Variants in STX8 observed in about 807,000 individuals in gnomAD.
STX8 encodes the protein syntaxin 8.
In STX8, 23 loss-of-function variants were observed where a neutral mutation model predicts 37.5. The observed-to-expected ratio is 0.61, with a 90% CI of 0.44 to 0.87. The LOEUF (loss-of-function observed/expected upper bound fraction) is 0.87. STX8 is among the 40% of genes least tolerant of loss of function. STX8 has a pLI of 0.00. For synonymous variants in STX8, 115 were observed against 99.1 expected (o/e 1.16, Z -0.95); for missense variants, 313 against 284.7 (o/e 1.10, Z -0.71).
chr17:9,355,978 G>A (rs1349803664), intron 7 of STX8, among the ~76,000 whole-genome samples: 1 of 152,160 alleles, frequency 6.6e-6, no homozygotes, highest in East Asian at 1.9e-4. Flanking sequence ...AAACTGCCAG[G>A]AGTGACCACT....
At chr17:9,433,622 T>G (rs1320743336) in intron 6 of STX8, among the ~76,000 whole-genome samples, 1 of 150,592 alleles carries the variant, frequency 6.6e-6, no homozygotes, top group African/African-American at 2.4e-5. Context: ...TTTTTGTATG[T>G]GGGGGAAAAA....
At chr17:9,363,729 C>T (rs1463076364) in intron 7 of STX8, among the ~76,000 whole-genome samples, 1 of 152,162 alleles carries the variant, frequency 6.6e-6, no homozygotes, top group Non-Finnish European at 1.5e-5. Flanking sequence ...TCTTTCCAAA[C>T]CACACCAAGC....
Position 9,483,741 on chromosome 17 carries a change from T to G in STX8, c.541+8088A>C, listed in dbSNP as rs773596157. On this transcript the variant is annotated intron_variant, in intron 6 of 7. Coordinates refer to ENST00000306357, the MANE Select transcript of STX8 (RefSeq NM_004853.3). Reference sequence around the variant, plus strand: ...ACGCTGGTCTCCTCAATTCCAGGACTGACTCTACGAATACAATTGGTTTTC... The same window carrying G: ...ACGCTGGTCTCCTCAATTCCAGGACGGACTCTACGAATACAATTGGTTTTC... 2.0e-4 allele frequency among the ~76,000 whole-genome samples: 31 copies of G among 152,136 alleles called. 1 individual carries two copies. Among genetic ancestry groups the G allele is most frequent in the Non-Finnish European group, 4.4e-5 (3 of 68,032 alleles).
chr17:9,291,332 G>C (rs893797371), intron 7 of STX8, among the ~76,000 whole-genome samples: 8 of 151,402 alleles, frequency 5.3e-5, no homozygotes, highest in African/African-American at 1.9e-4. Flanking sequence ...TGTAGTCCCA[G>C]CTACTCAGGA....
At chr17:9,468,584 G>A (rs1905714450) in intron 6 of STX8, among the ~76,000 whole-genome samples, 2 of 152,110 alleles carry the variant, frequency 1.3e-5, no homozygotes, top group Non-Finnish European at 2.9e-5. Context: ...AATATCCCAC[G>A]TGTGGCAGGC....
rs147658696 is a variant in STX8, at chr17:9,295,403, T to C, written c.644-44758A>G. Among the ~76,000 whole-genome samples, 259 of 152,320 alleles carry C rather than the reference T, an allele frequency of 1.7e-3. 1 individual carries two copies. Among genetic ancestry groups the C allele is most frequent in the African/African-American group, 5.9e-3 (247 of 41,560 alleles). On this transcript the variant is annotated intron_variant, in intron 7 of 7. Coordinates refer to ENST00000306357, the MANE Select transcript of STX8 (RefSeq NM_004853.3). ...GCATGTAGCAGACATTCAATAATTG[T>C]TTATAGACAAATTAAAGAAATGAAC...
In STX8 at chr17:9,297,008, C is replaced by A. The variant is rs149273927; in HGVS notation, c.644-46363G>T. On this transcript the variant is annotated intron_variant, in intron 7 of 7. Transcript: ENST00000306357. ...CAAGCTCAATGAATTTACTAGTTGC[C>A]TTATCTTGTAAATGGGAAGAATAAC... Among the ~76,000 whole-genome samples, 944 of 152,144 alleles carry A rather than the reference C, an allele frequency of 6.2e-3. 11 individuals carry two copies. Among genetic ancestry groups the A allele is most frequent in the African/African-American group, 0.021 (879 of 41,504 alleles).
chr17:9,308,206 G>A (rs576968229), intron 7 of STX8, among the ~76,000 whole-genome samples: 1 of 152,272 alleles, frequency 6.6e-6, no homozygotes, highest in South Asian at 2.1e-4. Flanking sequence ...AACCCCGCAG[G>A]ACCTGTCTGC....
At chr17:9,559,760 A>ATATATATTTTTTTTTTTTTTTT in intron 2 of STX8, among the ~76,000 whole-genome samples, 3 of 24,496 alleles carry the variant, frequency 1.2e-4, no homozygotes, top group African/African-American at 5.7e-4. Context: ...ATATATATAT[A>ATATATATTTTTTTTTTTTTTTT]TTTTTTTTTT....
At chr17:9,360,673 A>G (rs1448662867) in intron 7 of STX8, among the ~76,000 whole-genome samples, 2 of 151,860 alleles carry the variant, frequency 1.3e-5, no homozygotes, top group African/African-American at 2.4e-5. Flanking sequence ...TAAAAAAAAA[A>G]AAAAAAAGAC....
intron 6 of STX8, among the ~76,000 whole-genome samples, chr17:9,456,282 G>A (rs191378680): frequency 6.6e-6 from 1 of 152,200 alleles, no homozygotes; most frequent in African/African-American, 2.4e-5. Flanking sequence ...CAGATGAAGC[G>A]AGTCTTGTGG....
At chr17:9,552,206 G>A (rs1906791011) in intron 3 of STX8, among the ~76,000 whole-genome samples, 1 of 152,052 alleles carries the variant, frequency 6.6e-6, no homozygotes. Context: ...GCTGGGCATG[G>A]TGGCATACAC....
chr17:9,402,103 T>C (rs1912642228), intron 6 of STX8, among the ~76,000 whole-genome samples: 1 of 66,370 alleles, frequency 1.5e-5, no homozygotes, highest in Non-Finnish European at 2.8e-5. Flanking sequence ...ATTTTGTTTA[T>C]TTATTTATTT....
At chr17:9,378,458 A>C in intron 7 of STX8, 94 bp downstream of exon 7, 1 of 1,144,690 alleles carries the variant, frequency 8.7e-7, no homozygotes. Context: ...AAGAGCAACC[A>C]AATCCCCACA....
intron 2 of STX8, among the ~76,000 whole-genome samples, chr17:9,557,834 G>A (rs761741027): frequency 8.5e-5 from 13 of 152,146 alleles, no homozygotes; most frequent in Non-Finnish European, 1.6e-4. Context: ...CCTGTCACCT[G>A]AGCTTCTACC....
intron 6 of STX8, among the ~76,000 whole-genome samples, chr17:9,406,954 G>A (rs1398766388): frequency 6.6e-6 from 1 of 152,172 alleles, no homozygotes; most frequent in Non-Finnish European, 1.5e-5. Flanking sequence ...GAGGGCTGAT[G>A]AAGAGAGCTG....
At position 9,373,131 on chromosome 17, in the gene STX8, G is replaced by GA. The variant is rs200421371; in HGVS notation, c.643+5420dup. The stretch of plus-strand genomic sequence containing the variant: ...TCAAAAAAAAAAAAAGAAAAGAAAA[G>GA]AAAAAGAAAAAGAAAAAGAAAATAC... On this transcript the variant is annotated intron_variant, in intron 7 of 7. Coordinates refer to ENST00000306357, the MANE Select transcript of STX8 (RefSeq NM_004853.3). Among the ~76,000 whole-genome samples the GA allele has an allele frequency of 1.1e-3, 163 of 147,036 alleles. 1 individual carries two copies. The highest frequency in any genetic ancestry group is 3.9e-3 in the African/African-American group (154 of 39,026).
chr17:9,464,110 T>A (rs974861251), intron 6 of STX8, among the ~76,000 whole-genome samples: 1 of 152,164 alleles, frequency 6.6e-6, no homozygotes, highest in Admixed American at 6.6e-5. Context: ...ATATTTATCA[T>A]GAGATTGAAA....
At chr17:9,252,961 C>T (rs1906644311) in intron 7 of STX8, among the ~76,000 whole-genome samples, 1 of 152,224 alleles carries the variant, frequency 6.6e-6, no homozygotes, top group Admixed American at 6.5e-5. Context: ...ACAGCCTAAA[C>T]CGTTTACGAC....
Sources: gnomAD v4.1 joint callset for allele counts (sites outside exome capture counted in the v4.1 genomes callset) on GRCh38, gnomAD v4.1.1 for gene constraint, MANE v1.5 for transcripts, NCBI Gene and HGNC (gene_info 2026-07-23, HGNC 2026-07-21) for gene names.